QTGAL: variants seen among roughly 807,000 people sequenced by gnomAD.
The protein encoded by QTGAL is queuosine-tRNA galactosyltransferase, also known as BGnT-like protein 1.
the QTGAL span, chr17:82,947,315 C>T: frequency 6.3e-6 from 2 of 317,332 alleles, no homozygotes; most frequent in South Asian, 1.5e-4. Flanking sequence ...CCAGGGCAGA[C>T]CCACCTTCCC....
chr17:82,993,729 T>G, the QTGAL span, among the ~76,000 whole-genome samples: 167 of 152,148 alleles, frequency 1.1e-3, no homozygotes, highest in Non-Finnish European at 1.7e-3. Flanking sequence ...AGATCATTTG[T>G]TAGGTCACAA....
chr17:82,961,071 C>T, the QTGAL span: 20 of 1,609,296 alleles, frequency 1.2e-5, no homozygotes, highest in Middle Eastern at 3.8e-4. Flanking sequence ...GGACGCAGTG[C>T]GTGGCCGCCT....
At chr17:82,963,236 A>G in the QTGAL span, among the ~76,000 whole-genome samples, 1 of 152,184 alleles carries the variant, frequency 6.6e-6, no homozygotes, top group African/African-American at 2.4e-5. Context: ...GAGGCTGTGG[A>G]GACTCGGATC....
At chr17:82,954,412 A>C in the QTGAL span, among the ~76,000 whole-genome samples, 5 of 152,092 alleles carry the variant, frequency 3.3e-5, no homozygotes, top group African/African-American at 9.7e-5. Context: ...AAAATAAAAT[A>C]CCTAGGAATA....
At chr17:83,042,240 AC>A in the QTGAL span, among the ~76,000 whole-genome samples, 1 of 152,086 alleles carries the variant, frequency 6.6e-6, no homozygotes, top group South Asian at 2.1e-4. Context: ...GCTGGCAGGC[AC>A]CTGTATTCCC....
the QTGAL span, among the ~76,000 whole-genome samples, chr17:83,051,252 G>C: frequency 6.8e-6 from 1 of 147,920 alleles, no homozygotes; most frequent in South Asian, 2.1e-4. Context: ...CCAGGTGTGT[G>C]AGGTGCGGGG....
chr17:82,992,961 A>G, the QTGAL span, among the ~76,000 whole-genome samples: 1 of 152,196 alleles, frequency 6.6e-6, no homozygotes, highest in East Asian at 1.9e-4. Context: ...TAAAAAATAT[A>G]CAATGAATAC....
the QTGAL span, among the ~76,000 whole-genome samples, chr17:83,012,920 CCCCGTCCCA>C: frequency 4.6e-5 from 7 of 152,030 alleles, no homozygotes; most frequent in African/African-American, 1.7e-4. Flanking sequence ...TCCCCGGGCC[CCCCGTCCCA>C]CCCGACAAGC....
chr17:83,051,487 G>A, the QTGAL span, among the ~76,000 whole-genome samples: 12 of 152,310 alleles, frequency 7.9e-5, no homozygotes, highest in Middle Eastern at 0.01. Context: ...CTCGCGGGAC[G>A]GGGGCAGGAA....
At chr17:82,996,575 G>T in the QTGAL span, among the ~76,000 whole-genome samples, 1 of 149,738 alleles carries the variant, frequency 6.7e-6, no homozygotes, top group Non-Finnish European at 1.5e-5. Context: ...TGAAACCACA[G>T]AAGAACCAGA....
At chr17:83,035,859 AGGGCGGTTTGC>A in the QTGAL span, among the ~76,000 whole-genome samples, 2 of 131,090 alleles carry the variant, frequency 1.5e-5, no homozygotes, top group African/African-American at 5.1e-5. Flanking sequence ...AGACCCTCGG[AGGGCGGTTTGC>A]ACGTGTGTGA....
chr17:82,959,550 G>A, the QTGAL span, among the ~76,000 whole-genome samples: 3 of 152,002 alleles, frequency 2.0e-5, no homozygotes, highest in South Asian at 2.1e-4. Context: ...CAGCCTCGCC[G>A]GGTTTTGGCA....
the QTGAL span, among the ~76,000 whole-genome samples, chr17:82,985,507 C>A: frequency 6.6e-6 from 1 of 152,138 alleles, no homozygotes; most frequent in Non-Finnish European, 1.5e-5. Flanking sequence ...TTCATGTTAC[C>A]CCTCGATTCG....
At chr17:83,044,005 CA>C in the QTGAL span, among the ~76,000 whole-genome samples, 2 of 151,866 alleles carry the variant, frequency 1.3e-5, no homozygotes, top group African/African-American at 4.8e-5. Flanking sequence ...ATAAAAAAAA[CA>C]AAAACTCCCA....
chr17:83,047,679 T>C, the QTGAL span, among the ~76,000 whole-genome samples: 1 of 125,170 alleles, frequency 8.0e-6, no homozygotes, highest in African/African-American at 3.0e-5. Flanking sequence ...TAATCAATCC[T>C]TATCAAAGAA....
the QTGAL span, among the ~76,000 whole-genome samples, chr17:83,024,722 G>A: frequency 6.6e-6 from 1 of 152,242 alleles, no homozygotes; most frequent in Non-Finnish European, 1.5e-5. Flanking sequence ...TGGGTAAGGG[G>A]CCTGAGGGTC....
chr17:83,051,657 C>G, the QTGAL span: 1 of 1,296,860 alleles, frequency 7.7e-7, no homozygotes, highest in Non-Finnish European at 1.0e-6. Flanking sequence ...AACCCCGGAG[C>G]GAGAGAGGAC....
At chr17:82,959,674 A>G in the QTGAL span, among the ~76,000 whole-genome samples, 3 of 143,348 alleles carry the variant, frequency 2.1e-5, no homozygotes, top group African/African-American at 7.8e-5. Context: ...GTGACAGGAA[A>G]GCAGTCAGGG....
the QTGAL span, among the ~76,000 whole-genome samples, chr17:83,045,441 C>A: frequency 2.6e-5 from 4 of 152,122 alleles, no homozygotes; most frequent in African/African-American, 9.7e-5. Flanking sequence ...CAAAATAGAT[C>A]AAAGGCCTAA....
Sources: allele counts gnomAD v4.1 joint callset (sites outside exome capture counted in the v4.1 genomes callset), GRCh38; gene constraint gnomAD v4.1.1; transcripts MANE v1.5; gene names NCBI Gene and HGNC (gene_info 2026-07-23, HGNC 2026-07-21).